DCLK1: variants seen among roughly 807,000 people sequenced by gnomAD.
DCLK1 encodes serine/threonine-protein kinase DCLK1.
In DCLK1, 16 loss-of-function variants were observed where a neutral mutation model predicts 86.2. That is an observed-to-expected ratio of 0.19 (90% CI 0.13 to 0.28). DCLK1 has a LOEUF of 0.28. Among genes scored for constraint, DCLK1 ranks in the 10% least tolerant of loss-of-function variants. The pLI is 1.00. For missense variants in DCLK1, 590 were observed against 940.2 expected, an observed-to-expected ratio of 0.63 and a Z score of 4.87; for synonymous variants, 369 against 370.5, an observed-to-expected ratio of 1.00 and a Z score of 0.05.
At chr13:35,828,225 T>C (rs374468664) in intron 9 of DCLK1, 25 bp downstream of exon 9, 86 of 1,591,512 alleles carry the variant, frequency 5.4e-5, no homozygotes, top group Non-Finnish European at 7.2e-5. Flanking sequence ...CACTCTTATC[T>C]CATAAGAACA....
At chr13:36,095,323 A>G (rs1485130811) in intron 3 of DCLK1, among the ~76,000 whole-genome samples, 1 of 152,024 alleles carries the variant, frequency 6.6e-6, no homozygotes. Context: ...CTCATGTCTC[A>G]GCCTCCTGAG....
chr13:35,890,450 C>A (rs1873575266), intron 4 of DCLK1, among the ~76,000 whole-genome samples: 1 of 152,102 alleles, frequency 6.6e-6, no homozygotes, highest in Non-Finnish European at 1.5e-5. Flanking sequence ...CATAGTATTC[C>A]ATTAAATGGA....
chr13:35,912,543 A>C (rs1875102404), intron 4 of DCLK1, among the ~76,000 whole-genome samples: 1 of 152,166 alleles, frequency 6.6e-6, no homozygotes, highest in Admixed American at 6.5e-5. Flanking sequence ...ACTTCAGGGA[A>C]GAGCCAGCTA....
At chr13:35,833,577 G>A (rs936517819) in intron 8 of DCLK1, among the ~76,000 whole-genome samples, 5 of 152,124 alleles carry the variant, frequency 3.3e-5, no homozygotes, top group African/African-American at 9.7e-5. Flanking sequence ...AGACTATGCC[G>A]GAACAGGACC....
chr13:35,919,198 A>G (rs1780798277), intron 4 of DCLK1, among the ~76,000 whole-genome samples: 1 of 151,974 alleles, frequency 6.6e-6, no homozygotes, highest in Admixed American at 6.6e-5. Context: ...GGCCCCCAAG[A>G]GTTTTAAAAC....
chr13:36,075,648 C>A (rs1169468357), intron 3 of DCLK1, among the ~76,000 whole-genome samples: 1 of 152,116 alleles, frequency 6.6e-6, no homozygotes, highest in Non-Finnish European at 1.5e-5. Flanking sequence ...TTCTTGTCTG[C>A]AAAATGTGCA....
At chr13:36,014,069 C>T (rs1226345821) in intron 3 of DCLK1, among the ~76,000 whole-genome samples, 26 of 152,218 alleles carry the variant, frequency 1.7e-4, no homozygotes, top group African/African-American at 5.3e-4. Context: ...CTTCGGCTCG[C>T]GCACGGTGCG....
chr13:35,878,682 T>C (rs1458318719), intron 4 of DCLK1, among the ~76,000 whole-genome samples: 1 of 152,172 alleles, frequency 6.6e-6, no homozygotes, highest in African/African-American at 2.4e-5. Context: ...ATGTTTGAGG[T>C]GATGGATACC....
intron 4 of DCLK1, among the ~76,000 whole-genome samples, chr13:35,934,901 A>T (rs548098387): frequency 3.3e-4 from 50 of 151,890 alleles, no homozygotes; most frequent in African/African-American, 7.7e-4. Flanking sequence ...GATGCATTTT[A>T]AAAAAAAATC....
At chr13:35,943,092 T>C (rs1209906371) in intron 4 of DCLK1, among the ~76,000 whole-genome samples, 1 of 152,204 alleles carries the variant, frequency 6.6e-6, no homozygotes. Context: ...TTTGTAGATG[T>C]CACCAAACTA....
At chr13:36,095,349 G>A (rs1449053868) in intron 3 of DCLK1, among the ~76,000 whole-genome samples, 1 of 151,994 alleles carries the variant, frequency 6.6e-6, no homozygotes. Flanking sequence ...GGGACTATAG[G>A]CATGTGTTAC....
At chr13:35,808,974 G>C (rs2087089277) in intron 13 of DCLK1, 44 bp downstream of exon 13, 1 of 1,565,938 alleles carries the variant, frequency 6.4e-7, no homozygotes, top group East Asian at 2.3e-5. Flanking sequence ...TCAGAGAGTA[G>C]AGAAATGCTT....
intron 15 of DCLK1, among the ~76,000 whole-genome samples, chr13:35,796,386 C>CGAGAAAGGGCA (rs2086812384): frequency 6.6e-6 from 1 of 152,006 alleles, no homozygotes. Flanking sequence ...TTGAAAGATA[C>CGAGAAAGGGCA]GAGAAAGGGC....
intron 16 of DCLK1, among the ~76,000 whole-genome samples, chr13:35,789,582 C>A (rs1440290666): frequency 6.6e-6 from 1 of 152,196 alleles, no homozygotes; most frequent in African/African-American, 2.4e-5. Flanking sequence ...CAATTATATG[C>A]ATGCTGATTA....
intron 6 of DCLK1, chr13:35,850,141 C>T: frequency 1.0e-6 from 1 of 984,958 alleles, no homozygotes. Flanking sequence ...GATGTACTAA[C>T]CCACAAAACA....
intron 4 of DCLK1, among the ~76,000 whole-genome samples, chr13:35,887,238 G>A (rs1873326911): frequency 6.6e-6 from 1 of 152,198 alleles, no homozygotes; most frequent in African/African-American, 2.4e-5. Flanking sequence ...GTTTGAGTGG[G>A]CAGGGAGGTG....
chr13:35,962,114 T>C (rs1878493115), intron 3 of DCLK1, among the ~76,000 whole-genome samples: 2 of 152,186 alleles, frequency 1.3e-5, no homozygotes, highest in South Asian at 2.1e-4. Flanking sequence ...AAAATAGTTA[T>C]CTTATTTTTT....
At chr13:35,820,951 G>C (rs769685928) in intron 11 of DCLK1, among the ~76,000 whole-genome samples, 2 of 152,134 alleles carry the variant, frequency 1.3e-5, no homozygotes, top group Non-Finnish European at 2.9e-5. Flanking sequence ...CTGCTTCAGC[G>C]TCAACTTCAT....
chr13:35,912,416 C>T (rs958910547), intron 4 of DCLK1, among the ~76,000 whole-genome samples: 2 of 152,150 alleles, frequency 1.3e-5, no homozygotes, highest in Admixed American at 6.5e-5. Context: ...CACCCCACCC[C>T]CAGTCCTGTG....
Sources: allele counts gnomAD v4.1 joint callset (sites outside exome capture counted in the v4.1 genomes callset), GRCh38; gene constraint gnomAD v4.1.1; transcripts MANE v1.5; gene names NCBI Gene and HGNC (gene_info 2026-07-23, HGNC 2026-07-21).